TTC21B: variants seen among roughly 807,000 people sequenced by gnomAD.
TTC21B encodes the protein tetratricopeptide repeat domain 21B.
A neutral mutation model predicts 175.1 loss-of-function variants in TTC21B; 127 were observed. The observed-to-expected ratio is 0.73, with a 90% confidence interval of 0.63 to 0.84. The LOEUF (loss-of-function observed/expected upper bound fraction) is 0.84. TTC21B is among the 40% of genes least tolerant of loss of function. The pLI is 0.00. For missense variants in TTC21B, 1,561 were observed against 1,558.3 expected (o/e 1.00, Z -0.03); for synonymous variants, 524 against 524.5 (o/e 1.00, Z 0.01).
intron 27 of TTC21B, among the ~76,000 whole-genome samples, chr2:165,877,672 C>T (rs1233693554): frequency 1.3e-5 from 2 of 152,088 alleles, no homozygotes; most frequent in Non-Finnish European, 2.9e-5. Context: ...TTAAGCGACA[C>T]ATGACTGCAT....
Position 165,875,216 on chromosome 2 carries a change from G to T in TTC21B, c.3874-384C>A, listed in dbSNP as rs545550843. On this transcript the variant is annotated intron_variant, in intron 28 of 28. Transcript: ENST00000243344. The stretch of plus-strand genomic sequence containing the variant: ...AGCACACATTAGCTTTACCTGAAAT[G>T]ATCTTGAGACATACGTATTTCTAGT... 7.9e-5 allele frequency among the ~76,000 whole-genome samples: 12 copies of T among 152,086 alleles called. No homozygotes were observed. In the East Asian group the frequency reaches 2.3e-3, roughly 29 times the overall value.
intron 3 of TTC21B, chr2:165,948,959 G>T (rs1472581041): frequency 5.6e-6 from 1 of 178,340 alleles, no homozygotes; most frequent in Non-Finnish European, 1.2e-5. Flanking sequence ...TATCTCCCAA[G>T]AGCTAGCCCT....
At chr2:165,923,747 T>C (rs1686510124) in intron 12 of TTC21B, among the ~76,000 whole-genome samples, 1 of 145,138 alleles carries the variant, frequency 6.9e-6, no homozygotes, top group African/African-American at 2.5e-5. Flanking sequence ...CAGCTGGTTT[T>C]TTTTTTTTTT....
intron 19 of TTC21B, among the ~76,000 whole-genome samples, chr2:165,902,807 ATC>A (rs1279431935): frequency 2.0e-5 from 3 of 152,180 alleles, no homozygotes; most frequent in Non-Finnish European, 2.9e-5. Context: ...AGATAGAATG[ATC>A]TCTGTCTTGC....
intron 22 of TTC21B, 134 bp from the exon 23 acceptor site, chr2:165,891,122 G>A: frequency 5.1e-6 from 4 of 791,116 alleles, no homozygotes; most frequent in African/African-American, 1.8e-5. Context: ...ATGCCTCAGG[G>A]TATAATTCCC....
chr2:165,918,141 G>A (rs1337857637), intron 13 of TTC21B, among the ~76,000 whole-genome samples: 1 of 152,220 alleles, frequency 6.6e-6, no homozygotes, highest in East Asian at 1.9e-4. Context: ...CTCAACCTTA[G>A]GCAGCCTGCA....
At chr2:165,917,216 G>C (rs1559057694) in intron 14 of TTC21B, 41 bp downstream of exon 14, 1 of 1,557,048 alleles carries the variant, frequency 6.4e-7, no homozygotes, top group Non-Finnish European at 8.9e-7. Context: ...GTTAGAATAA[G>C]AAAGTTCACA....
Position 165,917,289 on chromosome 2 carries a change from A to G in TTC21B, c.1867T>C (p.Leu623=), listed in dbSNP as rs140107312. Residue 623 remains leucine, a synonymous_variant, in exon 14 of 29, where the codon TTG becomes CTG. Transcript: ENST00000243344. ...TSHRLSIFLE[L]IDVHRLNGEQ... ...CCATTTAAGCGGTGAACGTCTATCA[A>G]TTCAAGAAAGATCGATAAACGATGG... 2.4e-4 allele frequency: 380 copies of G among 1,614,210 alleles called. 1 individual carries two copies. In the African/African-American group the frequency reaches 4.3e-3, roughly 18 times the overall value.
At chr2:165,898,908 ATT>A (rs1187494079) in intron 21 of TTC21B, 141 bp from the exon 22 acceptor site, 1 of 679,352 alleles carries the variant, frequency 1.5e-6, no homozygotes, top group Non-Finnish European at 2.7e-6. Context: ...GGCATTTAAG[ATT>A]CAAGCCCACC....
intron 1 of TTC21B, among the ~76,000 whole-genome samples, chr2:165,951,819 G>T (rs1410982588): frequency 1.3e-5 from 2 of 152,158 alleles, no homozygotes. Flanking sequence ...TGTAGTAAAT[G>T]TAAGAAAAGA....
chr2:165,904,055 A>G (rs1685650043), intron 19 of TTC21B, among the ~76,000 whole-genome samples: 2 of 152,210 alleles, frequency 1.3e-5, no homozygotes, highest in African/African-American at 4.8e-5. Context: ...CTGTTTTTTG[A>G]TGTTGCTTCA....
chr2:165,945,707 A>C lies in TTC21B; in HGVS notation c.263-17T>G. The C allele has an allele frequency of 6.2e-7, 1 of 1,609,242 alleles. No homozygotes were observed. The highest frequency in any genetic ancestry group is 2.2e-5 in the East Asian group (1 of 44,772). The stretch of plus-strand genomic sequence containing the variant: ...CTTCTCTATCTGGTAGGGGAAAATG[A>C]TATTAAATAAAAATTAAATTCTGGA... On this transcript the variant is annotated splice_polypyrimidine_tract_variant and intron_variant, in intron 3 of 28. Coordinates refer to ENST00000243344, the MANE Select transcript of TTC21B (RefSeq NM_024753.5).
chr2:165,945,569 C>T lies in TTC21B; in HGVS notation c.384G>A (p.Arg128=), dbSNP rs1574142934. The T allele has an allele frequency of 5.0e-6, 8 of 1,613,464 alleles. No individual in the cohort carries two copies. The highest frequency in any genetic ancestry group is 1.6e-4 in the Middle Eastern group (1 of 6,080). Residue 128 remains arginine (R), a synonymous_variant, in exon 4 of 29, where the codon AGG becomes AGA. Transcript: ENST00000243344. The stretch of plus-strand genomic sequence containing the variant: ...TTTTGATCATTCTGTCAATATATTC[C>T]CTTGCTTTATCATGGCGACCAATGT... ...LWHIGRHDKA[R]EYIDRMIKIS...
Position 165,884,707 on chromosome 2 carries a change from G to C in TTC21B, c.3460-689C>G, listed in dbSNP as rs972049069. Reference sequence around the variant, plus strand: ...CTTTTGGATAGAGTTTGAAGTCAGAGAATGTCACTCTGTGAAACCAATAGG... The same window carrying C: ...CTTTTGGATAGAGTTTGAAGTCAGACAATGTCACTCTGTGAAACCAATAGG... On this transcript the variant is annotated intron_variant, in intron 25 of 28. Transcript: ENST00000243344. 9.8e-5 allele frequency among the ~76,000 whole-genome samples: 15 copies of C among 152,304 alleles called. No individual in the cohort carries two copies. In the East Asian group the frequency reaches 2.9e-3, roughly 29 times the overall value.
chr2:165,922,639 T>A (rs898731299), intron 12 of TTC21B, among the ~76,000 whole-genome samples: 7 of 149,062 alleles, frequency 4.7e-5, no homozygotes, highest in South Asian at 2.1e-4. Flanking sequence ...CTAGTGAGAA[T>A]GTAAATTAGT....
At chr2:165,881,460 G>C (rs1684832235) in intron 26 of TTC21B, among the ~76,000 whole-genome samples, 1 of 152,090 alleles carries the variant, frequency 6.6e-6, no homozygotes, top group Non-Finnish European at 1.5e-5. Flanking sequence ...TCTTGATCCA[G>C]AGGTTTCCCT....
chr2:165,929,255 G>T lies in TTC21B; in HGVS notation c.1266C>A (p.Val422=), dbSNP rs765883060. The change falls in exon 11 of 29, where the codon GTC becomes GTA. Residue 422 remains valine (V), a synonymous_variant. Transcript: ENST00000243344. The part of the protein sequence containing the change: ...QEEVINLLND[V]LDTHFSQLEG... ...CTAATTGTGAAAAGTGAGTGTCCAG[G>T]ACATCATTTAACAAATTAATAACTT... is the stretch of plus-strand genomic sequence containing the variant. 55 of 1,612,816 alleles carry T rather than the reference G, an allele frequency of 3.4e-5. No individual in the cohort carries two copies. The highest frequency in any genetic ancestry group is 4.6e-5 in the Non-Finnish European group (54 of 1,179,216).
At chr2:165,888,885 T>C (rs1335280098) in intron 24 of TTC21B, among the ~76,000 whole-genome samples, 2 of 150,772 alleles carry the variant, frequency 1.3e-5, no homozygotes, top group African/African-American at 4.9e-5. Flanking sequence ...CTATGTTTAA[T>C]CCATTTTACA....
At chr2:165,940,475 T>C (rs958213152) in intron 6 of TTC21B, among the ~76,000 whole-genome samples, 2 of 152,128 alleles carry the variant, frequency 1.3e-5, no homozygotes, top group African/African-American at 4.8e-5. Context: ...TACTCACCTC[T>C]CTTACTCCTT....
Sources: gnomAD v4.1 joint callset for allele counts (sites outside exome capture counted in the v4.1 genomes callset) on GRCh38, gnomAD v4.1.1 for gene constraint, MANE v1.5 for transcripts, NCBI Gene and HGNC (gene_info 2026-07-23, HGNC 2026-07-21) for gene names.